The following CFAP210 variants were observed in gnomAD, a reference collection of about 807,000 sequenced individuals.
CFAP210 encodes the protein cilia- and flagella- associated protein 210.
the CFAP210 span, among the ~76,000 whole-genome samples, chr2:169,679,118 A>C: frequency 9.2e-5 from 14 of 152,250 alleles, no homozygotes; most frequent in Non-Finnish European, 1.9e-4. Context: ...ATGCAAGAAC[A>C]ATTGATCTTC....
chr2:169,684,062 A>G, the CFAP210 span, among the ~76,000 whole-genome samples: 1 of 152,178 alleles, frequency 6.6e-6, no homozygotes, highest in African/African-American at 2.4e-5. Flanking sequence ...TCTTACTTCC[A>G]AGATTCCTAC....
chr2:169,669,059 T>C, the CFAP210 span, among the ~76,000 whole-genome samples: 1 of 152,152 alleles, frequency 6.6e-6, no homozygotes, highest in East Asian at 1.9e-4. Flanking sequence ...GTAGTGTTTT[T>C]TAAAAAATAA....
chr2:169,650,660 A>AT, the CFAP210 span: 1 of 1,064,092 alleles, frequency 9.4e-7, no homozygotes, highest in African/African-American at 1.7e-5. Context: ...TACATATATT[A>AT]TTTTAAGTGG....
At chr2:169,683,032 T>C in the CFAP210 span, among the ~76,000 whole-genome samples, 1 of 152,052 alleles carries the variant, frequency 6.6e-6, no homozygotes, top group Admixed American at 6.6e-5. Context: ...GAAAATCACG[T>C]GGTTCCAGAA....
At chr2:169,662,471 G>C in the CFAP210 span, 1 of 1,514,882 alleles carries the variant, frequency 6.6e-7, no homozygotes, top group Admixed American at 2.3e-5. Context: ...TGAGAACAAA[G>C]CAGAAAAATA....
At chr2:169,645,915 G>A in the CFAP210 span, 2 of 1,613,858 alleles carry the variant, frequency 1.2e-6, no homozygotes, top group African/African-American at 1.3e-5. Flanking sequence ...TAAAAAGGGA[G>A]CTGGACTCCA....
chr2:169,678,341 C>CA, the CFAP210 span, among the ~76,000 whole-genome samples: 1,206 of 87,834 alleles, frequency 0.014, 10 homozygotes, highest in Middle Eastern at 0.017. Flanking sequence ...AACTCTGTTG[C>CA]AAAAAAAAAA....
the CFAP210 span, among the ~76,000 whole-genome samples, chr2:169,676,325 C>T: frequency 2.0e-5 from 3 of 148,904 alleles, no homozygotes; most frequent in African/African-American, 7.4e-5. Flanking sequence ...TCTTTAATAC[C>T]AATGGAGAGT....
At chr2:169,654,866 G>A in the CFAP210 span, among the ~76,000 whole-genome samples, 1 of 152,054 alleles carries the variant, frequency 6.6e-6, no homozygotes, top group Non-Finnish European at 1.5e-5. Flanking sequence ...CATACACAGT[G>A]TAGCGAGCGT....
At chr2:169,683,706 T>C in the CFAP210 span, among the ~76,000 whole-genome samples, 1 of 152,242 alleles carries the variant, frequency 6.6e-6, no homozygotes, top group Non-Finnish European at 1.5e-5. Flanking sequence ...TAGAAAGCTA[T>C]GCAGTGCAAA....
the CFAP210 span, among the ~76,000 whole-genome samples, chr2:169,677,480 C>CA: frequency 2.2e-4 from 33 of 152,046 alleles, no homozygotes; most frequent in African/African-American, 8.0e-4. Context: ...CAATAGACAT[C>CA]AAAAAAAGTA....
At chr2:169,662,564 G>C in the CFAP210 span, 1 of 784,786 alleles carries the variant, frequency 1.3e-6, no homozygotes, top group South Asian at 2.0e-5. Context: ...TTCTTTGGGG[G>C]AAAAGAACAG....
At chr2:169,690,235 G>C in the CFAP210 span, among the ~76,000 whole-genome samples, 1 of 152,132 alleles carries the variant, frequency 6.6e-6, no homozygotes, top group Non-Finnish European at 1.5e-5. Context: ...TAGTTTTCTT[G>C]TGATATCTTT....
chr2:169,678,359 A>G, the CFAP210 span, among the ~76,000 whole-genome samples: 18,492 of 145,690 alleles, frequency 0.13, 1,336 homozygotes, highest in South Asian at 0.24. Flanking sequence ...AAAAAAAAAA[A>G]AAAAGAAAGA....
chr2:169,684,545 G>A, the CFAP210 span, among the ~76,000 whole-genome samples: 1 of 152,270 alleles, frequency 6.6e-6, no homozygotes, highest in South Asian at 2.1e-4. Context: ...TCATGTGCAT[G>A]GAATCATACA....
chr2:169,687,141 T>G, the CFAP210 span, among the ~76,000 whole-genome samples: 1 of 152,078 alleles, frequency 6.6e-6, no homozygotes, highest in Non-Finnish European at 1.5e-5. Context: ...CCTGGGTCCC[T>G]CCCACAACGT....
the CFAP210 span, among the ~76,000 whole-genome samples, chr2:169,683,908 C>T: frequency 2.6e-5 from 4 of 152,166 alleles, no homozygotes; most frequent in African/African-American, 9.7e-5. Context: ...AGGCTTTTTA[C>T]TATCTCAGGC....
chr2:169,682,646 C>T, the CFAP210 span, among the ~76,000 whole-genome samples: 11 of 152,152 alleles, frequency 7.2e-5, no homozygotes, highest in Non-Finnish European at 1.3e-4. Context: ...ATTCTGCCTT[C>T]TGTCTTAAGG....
the CFAP210 span, chr2:169,654,220 G>A: frequency 1.3e-6 from 2 of 1,555,902 alleles, no homozygotes; most frequent in Non-Finnish European, 1.7e-6. Context: ...TGTTCCTTGG[G>A]GGAAAAATTG....
Sources: gnomAD v4.1 joint callset for allele counts (sites outside exome capture counted in the v4.1 genomes callset) on GRCh38, gnomAD v4.1.1 for gene constraint, MANE v1.5 for transcripts, NCBI Gene and HGNC (gene_info 2026-07-23, HGNC 2026-07-21) for gene names.